Variants in PEX2 observed in about 807,000 individuals in gnomAD.
The protein encoded by PEX2 is peroxisome biogenesis factor 2.
Under a neutral mutation model 25.2 loss-of-function variants are expected in PEX2, and 19 were observed. The ratio of observed to expected loss-of-function variants is 0.75; its 90% CI spans 0.53 to 1.10. The LOEUF is 1.10. PEX2 is among the 50% of genes least tolerant of loss of function. PEX2 has a pLI of 0.00. For missense variants in PEX2, 347 were observed against 350.6 expected (o/e 0.99, Z 0.08); for synonymous variants, 141 against 127.7 (o/e 1.10, Z -0.70).
Position 76,983,316 on chromosome 8 carries a change from T to G in PEX2, c.863A>C (p.His288Pro). The change falls in exon 4 of 4, where the codon CAC becomes CCC. Residue 288 changes from histidine to proline, a missense_variant. His to Pro is a moderately conservative substitution (Grantham distance 77). Transcript: ENST00000357039. ...FTCPKCGTEV[H>P]SLQPLKSGIE... ...TCCTGATTTCAGTGGCTGCAGACTG[T>G]GTACTTCTGTGCCACACTTAGGACA... 1 of 1,613,996 alleles carries G rather than the reference T, an allele frequency of 6.2e-7. No individual in the cohort carries two copies. The highest frequency in any genetic ancestry group is 8.5e-7 in the Non-Finnish European group (1 of 1,180,016).
At position 76,981,112 on chromosome 8, in the gene PEX2, T is replaced by A. The variant is rs776248796; in HGVS notation, c.*2149A>T. 5 of 152,228 alleles carry A rather than the reference T, an allele frequency of 3.3e-5. No individual in the cohort carries two copies. The highest frequency in any genetic ancestry group is 9.6e-5 in the African/African-American group (4 of 41,464). 9.4% of individuals were successfully genotyped at this position (152,228 alleles called of 1,614,324 possible). The stretch of plus-strand genomic sequence containing the variant: ...CAACAGAAAGTGAAAAGAACCTAAA[T>A]GCTCTATGATGGTGGTTAAATAATA... On this transcript the variant is annotated 3_prime_UTR_variant, in exon 4 of 4. Transcript: ENST00000357039.
At chr8:77,000,633 C>T (rs1807484353), upstream of PEX2, among the ~76,000 whole-genome samples, 1 of 152,184 alleles carries the variant, frequency 6.6e-6, no homozygotes, top group East Asian at 1.9e-4. Flanking sequence ...CCTGTGTGCA[C>T]AGGGAGGATA....
At chr8:77,000,342 C>T (rs190598260), upstream of PEX2, 1,165 of 209,242 alleles carry the variant, frequency 5.6e-3, 5 homozygotes, top group Non-Finnish European at 7.3e-3. Flanking sequence ...CGGTCAGCCC[C>T]GGGTCAGGGG....
At chr8:76,995,285 T>C (rs761293617) in intron 1 of PEX2, among the ~76,000 whole-genome samples, 1 of 152,240 alleles carries the variant, frequency 6.6e-6, no homozygotes, top group Non-Finnish European at 1.5e-5. Flanking sequence ...ATTTTAAAAC[T>C]GTGTTATGTC....
intron 1 of PEX2, among the ~76,000 whole-genome samples, chr8:76,993,831 G>A (rs1377361155): frequency 6.6e-6 from 1 of 152,006 alleles, no homozygotes; most frequent in Non-Finnish European, 1.5e-5. Flanking sequence ...GCTAACCCAG[G>A]GGAGGGGAGA....
In PEX2 at chr8:76,984,112, G is replaced by A. The variant is rs886043483; in HGVS notation, c.67C>T (p.Leu23Phe). ...TGCTCCAGGGCCTTGTTTAGTTCAA[G>A]TGCATCCAACTGGCTTATTCTTAGC... ...RVLRISQLDA[L>F]ELNKALEQLV... The change falls in exon 4 of 4, where the codon CTT becomes TTT. Residue 23 changes from leucine to phenylalanine, a missense_variant. By Grantham distance (22) the Leu-to-Phe change is conservative. Coordinates refer to ENST00000357039, the MANE Select transcript of PEX2 (RefSeq NM_000318.3). 9 of 1,613,784 alleles carry A rather than the reference G, an allele frequency of 5.6e-6. No homozygotes were observed. Among genetic ancestry groups the A allele is most frequent in the Non-Finnish European group, 7.6e-6 (9 of 1,179,854 alleles).
rs1806822460 is a variant in PEX2, at chr8:76,981,392, G to A, written c.*1869C>T. ...TGGGAGGATCGCTTGAGCCCTGGGA[G>A]GGAAAGGCTGCGGTTAGCCATGATC... On this transcript the variant is annotated 3_prime_UTR_variant, in exon 4 of 4. Transcript: ENST00000357039. The A allele has an allele frequency of 6.6e-6, 1 of 152,214 alleles. No individual in the cohort carries two copies. The highest frequency in any genetic ancestry group is 1.5e-5 in the Non-Finnish European group (1 of 68,070). The allele number at this position is 152,214 out of a possible 1,614,324, so 9.4% of individuals were successfully genotyped here.
intron 1 of PEX2, among the ~76,000 whole-genome samples, chr8:76,990,130 T>C (rs1029438111): frequency 1.3e-5 from 2 of 152,228 alleles, no homozygotes; most frequent in Admixed American, 6.5e-5. Flanking sequence ...TCATAAATGG[T>C]TATTTCCTTA....
chr8:76,991,988 T>C (rs551089842), intron 1 of PEX2, among the ~76,000 whole-genome samples: 2 of 152,332 alleles, frequency 1.3e-5, no homozygotes, highest in African/African-American at 4.8e-5. Flanking sequence ...TTAGTTATAG[T>C]AATGCCTCAA....
chr8:76,993,664 A>C (rs1177955133), intron 1 of PEX2, among the ~76,000 whole-genome samples: 1 of 152,172 alleles, frequency 6.6e-6, no homozygotes, highest in Non-Finnish European at 1.5e-5. Context: ...TATTTTTAAA[A>C]ATTACAAGCT....
rs916152210 is a variant in PEX2, at chr8:76,984,163, C to G, written c.16G>C (p.Glu6Gln). 5.0e-6 allele frequency: 8 copies of G among 1,613,996 alleles called. No individual in the cohort carries two copies. In the Admixed American group the frequency reaches 8.3e-5, roughly 17 times the overall value. Residue 6 changes from glutamate to glutamine, a missense_variant, in exon 4 of 4, where the codon GAG (glutamate) becomes CAG (glutamine). By Grantham distance (29) the Glu-to-Gln change is conservative (BLOSUM62 2). Transcript: ENST00000357039. MASRK[E>Q]NAKSANRVLR... ...ACTCTGTTTGCACTCTTCGCATTCT[C>G]TTTTCTGGAAGCCATGTCTTCTCTG...
chr8:76,994,065 A>C (rs374496118), intron 1 of PEX2, among the ~76,000 whole-genome samples: 1 of 152,152 alleles, frequency 6.6e-6, no homozygotes, highest in Non-Finnish European at 1.5e-5. Context: ...ATCTAGTACT[A>C]AAAACTATTA....
rs1806824089 is a variant in PEX2, at chr8:76,981,437, TG to T, written c.*1823del. On this transcript the variant is annotated 3_prime_UTR_variant, in exon 4 of 4. Transcript: ENST00000357039. ...ATGATCACACCACTGCACTCCAACC[TG>T]GGTGACTGGGTGAGGCCCTTTCTCA... 1 of 152,150 alleles carries T rather than the reference TG, an allele frequency of 6.6e-6. No homozygotes were observed. Among genetic ancestry groups the T allele is most frequent in the Admixed American group, 6.6e-5 (1 of 15,262 alleles). 9.4% of individuals were successfully genotyped at this position (152,150 alleles called of 1,614,324 possible).
chr8:76,999,758 G>T (rs1807440669), intron 1 of PEX2: 1 of 449,348 alleles, frequency 2.2e-6, no homozygotes, highest in African/African-American at 2.0e-5. Flanking sequence ...AGCTGTGTGT[G>T]TGTTTATTTT....
At position 76,983,987 on chromosome 8, in the gene PEX2, C is replaced by T. The variant is rs760056012; in HGVS notation, c.192G>A (p.Leu64=). 1.2e-6 allele frequency: 2 copies of T among 1,614,140 alleles called. No homozygotes were observed. The highest frequency in any genetic ancestry group is 1.3e-5 in the African/African-American group (1 of 75,026). ...PEVKACLWVF[L]WRFTIYSKNA... The stretch of plus-strand genomic sequence containing the variant: ...TTTTGGAGTAGATGGTGAATCTCCA[C>T]AAGAAAACCCATAAGCACGCTTTCA... Residue 64 remains leucine (L), a synonymous_variant, in exon 4 of 4, where the codon TTG becomes TTA. Transcript: ENST00000357039.
chr8:76,982,670 ATGG>A lies in PEX2; in HGVS notation c.*588_*590del, dbSNP rs761398314. The A allele has an allele frequency of 3.1e-4, 48 of 154,392 alleles. No individual in the cohort carries two copies. Among genetic ancestry groups the A allele is most frequent in the Admixed American group, 8.4e-4 (13 of 15,434 alleles). The allele number at this position is 154,392 out of a possible 1,614,324, so 9.6% of individuals were successfully genotyped here. The stretch of plus-strand genomic sequence containing the variant: ...CTAAAAATACAAAAATTACCCGGGC[ATGG>A]TGGCATGCACCTGCAGTGCCAGCTA... On this transcript the variant is annotated 3_prime_UTR_variant, in exon 4 of 4. Transcript: ENST00000357039.
chr8:76,998,338 G>A (rs1349607732), intron 1 of PEX2, among the ~76,000 whole-genome samples: 2 of 152,096 alleles, frequency 1.3e-5, no homozygotes, highest in African/African-American at 4.8e-5. Flanking sequence ...CCTCCCTACG[G>A]CAAGAATCAT....
chr8:76,988,725 T>G (rs575673067), intron 1 of PEX2, among the ~76,000 whole-genome samples: 3 of 152,306 alleles, frequency 2.0e-5, no homozygotes, highest in Admixed American at 1.3e-4. Context: ...TGATAGCATT[T>G]TACCAAGAGT....
intron 1 of PEX2, among the ~76,000 whole-genome samples, chr8:76,995,495 CT>C (rs928602337): frequency 1.0e-3 from 146 of 145,036 alleles, no homozygotes; most frequent in Non-Finnish European, 9.0e-4. Flanking sequence ...GGGAAAATAT[CT>C]TTTTTTTTTT....
Sources: allele counts gnomAD v4.1 joint callset (sites outside exome capture counted in the v4.1 genomes callset), GRCh38; gene constraint gnomAD v4.1.1; transcripts MANE v1.5; gene names NCBI Gene and HGNC (gene_info 2026-07-23, HGNC 2026-07-21).